DNAH12: variants seen among roughly 807,000 people sequenced by gnomAD.
The protein encoded by DNAH12 is dynein axonemal heavy chain 12, also known as axonemal beta dynein heavy chain 12.
In DNAH12, 285 loss-of-function variants were observed where a neutral mutation model predicts 371.5. That is an observed-to-expected ratio of 0.77 (90% CI 0.70 to 0.85). DNAH12 has a LOEUF of 0.85. DNAH12 is among the 40% of genes least tolerant of loss of function. The probability of loss-of-function intolerance (pLI) is 0.00; values close to 1 mark genes in which losing one functional copy is unlikely to be tolerated. For synonymous variants in DNAH12, 1,200 were observed against 1,213.0 expected, an observed-to-expected ratio of 0.99 and a Z score of 0.22; for missense variants, 3,611 against 3,689.4, an observed-to-expected ratio of 0.98 and a Z score of 0.55.
chr3:57,406,064 G>A (rs2064015666), intron 40 of DNAH12, 112 bp from the exon 41 acceptor site: 5 of 1,209,666 alleles, frequency 4.1e-6, no homozygotes, highest in Non-Finnish European at 4.5e-6. Context: ...GATTATATGG[G>A]CTTGGGCTGG....
At chr3:57,536,350 A>G (rs1158255345) in intron 2 of DNAH12, 1 of 152,168 alleles carries the variant, frequency 6.6e-6, no homozygotes, top group Non-Finnish European at 1.5e-5. Flanking sequence ...GTGCTGCCAA[A>G]GTGAGCACTC....
chr3:57,314,506 G>C lies in DNAH12; in HGVS notation c.10650C>G (p.Ile3550Met). 1.3e-6 allele frequency: 2 copies of C among 1,550,730 alleles called. No individual in the cohort carries two copies. The highest frequency in any genetic ancestry group is 1.7e-6 in the Non-Finnish European group (2 of 1,146,774). ...TTGTTAATTTTACCTGCAGTTGTCG[G>C]ATACTGATGCGCAAGTCAGATTCAT... ...GFNESDLRIS[I>M]RQLQLFINEY... is the part of the protein sequence containing the mutation. Residue 3550 changes from isoleucine (I) to methionine (M), a missense_variant, in exon 66 of 74, where the codon ATC becomes ATG. Coordinates refer to ENST00000495027, the MANE Select transcript of DNAH12 (RefSeq NM_001366028.2).
intron 49 of DNAH12, 91 bp from the exon 50 acceptor site, chr3:57,382,484 T>A (rs1027516711): frequency 3.3e-5 from 5 of 151,176 alleles, no homozygotes; most frequent in Non-Finnish European, 7.4e-5. Context: ...TGGGGAATAA[T>A]AAAAGCATCC....
rs1003021183 is a variant in DNAH12, at chr3:57,374,720, G to A, written c.8759+651C>T. Among the ~76,000 whole-genome samples, 124 of 152,014 alleles carry A rather than the reference G, an allele frequency of 8.2e-4. 1 individual carries two copies. Among genetic ancestry groups the A allele is most frequent in the Non-Finnish European group, 1.0e-3 (69 of 67,920 alleles). On this transcript the variant is annotated intron_variant, in intron 55 of 73. Coordinates refer to ENST00000495027, the MANE Select transcript of DNAH12 (RefSeq NM_001366028.2). ...AATGGAACTCAGCAACAAAAAATAG[G>A]AACAGAGTACCAATGCATGCAATAA...
At chr3:57,430,056 A>G (rs981605127) in intron 32 of DNAH12, among the ~76,000 whole-genome samples, 14 of 152,204 alleles carry the variant, frequency 9.2e-5, no homozygotes, top group African/African-American at 3.4e-4. Context: ...TCCAAAACCT[A>G]TAAAATCCTA....
At chr3:57,513,514 A>AAAAG (rs34417361) in intron 4 of DNAH12, among the ~76,000 whole-genome samples, 133,721 of 151,850 alleles carry the variant, frequency 0.88, 59,438 homozygotes, top group African/African-American at 0.96. Flanking sequence ...TTATAATAAA[A>AAAAG]AAAATACTAC....
At chr3:57,402,233 T>A (rs1232590033) in intron 43 of DNAH12, among the ~76,000 whole-genome samples, 4 of 152,158 alleles carry the variant, frequency 2.6e-5, no homozygotes, top group Non-Finnish European at 5.9e-5. Context: ...AAAATCCATT[T>A]CTCTATGCTA....
Position 57,428,387 on chromosome 3 carries a change from T to C in DNAH12, c.5253+246A>G, listed in dbSNP as rs150950945. The C allele has an allele frequency of 3.5e-5, 49 of 1,409,976 alleles. No homozygotes were observed. The East Asian group carries it at 1.5e-3, about 44-fold the overall frequency. 87.3% of individuals were successfully genotyped at this position (1,409,976 alleles called of 1,614,324 possible). On this transcript the variant is annotated intron_variant, in intron 34 of 73. Coordinates refer to ENST00000495027, the MANE Select transcript of DNAH12 (RefSeq NM_001366028.2). ...GGCACATATTTAAAATAATTTGAAATACGGAAAGTAATTAGAATTTTTAAA... is the reference window on the plus strand; with the variant it reads ...GGCACATATTTAAAATAATTTGAAACACGGAAAGTAATTAGAATTTTTAAA...
At chr3:57,453,868 C>G (rs2065828270) in intron 23 of DNAH12, among the ~76,000 whole-genome samples, 1 of 152,130 alleles carries the variant, frequency 6.6e-6, no homozygotes, top group African/African-American at 2.4e-5. Flanking sequence ...GCCACGGCAC[C>G]AGGCGCAAGG....
rs149372483 is a variant in DNAH12 at position 57,469,255 on chromosome 3, A to C, written c.2106-276T>G. 1.8e-3 allele frequency among the ~76,000 whole-genome samples: 269 copies of C among 152,338 alleles called. 1 individual carries two copies. Among genetic ancestry groups the C allele is most frequent in the African/African-American group, 6.2e-3 (259 of 41,572 alleles). On this transcript the variant is annotated intron_variant, in intron 16 of 73. Transcript: ENST00000495027. ...ATGCAGGTTCACATTAGAGAAATGC[A>C]AATCAAACCACAATGAGAGACCATC...
intron 4 of DNAH12, among the ~76,000 whole-genome samples, chr3:57,513,498 A>T (rs2068074042): frequency 1.7e-5 from 1 of 58,784 alleles, no homozygotes; most frequent in African/African-American, 9.9e-5. Context: ...AGTAAAATTT[A>T]AAAACTTATA....
chr3:57,433,917 T>C, intron 30 of DNAH12, 89 bp from the exon 31 acceptor site: 1 of 1,107,506 alleles, frequency 9.0e-7, no homozygotes, highest in African/African-American at 1.6e-5. Context: ...CCTGTGATAA[T>C]TACTACTTAT....
chr3:57,430,557 C>G (rs1255037586), intron 32 of DNAH12, among the ~76,000 whole-genome samples: 1 of 152,136 alleles, frequency 6.6e-6, no homozygotes, highest in Admixed American at 6.5e-5. Flanking sequence ...CTGAATTTAT[C>G]AACTGCTTCC....
intron 66 of DNAH12, among the ~76,000 whole-genome samples, chr3:57,313,851 G>A (rs1313388207): frequency 1.3e-5 from 2 of 152,136 alleles, no homozygotes; most frequent in Non-Finnish European, 2.9e-5. Flanking sequence ...ATGTGGTCAC[G>A]ACAGCAGAGG....
chr3:57,532,607 T>C (rs1482103259), intron 2 of DNAH12, among the ~76,000 whole-genome samples: 1 of 152,228 alleles, frequency 6.6e-6, no homozygotes, highest in Non-Finnish European at 1.5e-5. Flanking sequence ...CTTGTGGTCA[T>C]GGATAAGATC....
intron 13 of DNAH12, among the ~76,000 whole-genome samples, chr3:57,477,983 G>A (rs2066595984): frequency 6.6e-6 from 1 of 152,188 alleles, no homozygotes; most frequent in Admixed American, 6.5e-5. Flanking sequence ...AAAAAACAGA[G>A]CAGAAAAACT....
intron 69 of DNAH12, among the ~76,000 whole-genome samples, chr3:57,306,931 T>C (rs368664961): frequency 9.2e-5 from 14 of 152,138 alleles, no homozygotes; most frequent in Admixed American, 2.6e-4. Context: ...TTCTGGATCT[T>C]AAACATGCTT....
Position 57,424,264 on chromosome 3 carries a change from G to A in DNAH12, c.5373+758C>T, listed in dbSNP as rs1680709167. Among the ~76,000 whole-genome samples, 3 of 151,356 alleles carry A rather than the reference G, an allele frequency of 2.0e-5. No individual in the cohort carries two copies. In the South Asian group the frequency reaches 6.3e-4, roughly 32 times the overall value. On this transcript the variant is annotated intron_variant, in intron 35 of 73. Coordinates refer to ENST00000495027, the MANE Select transcript of DNAH12 (RefSeq NM_001366028.2). Reference sequence around the variant, plus strand: ...GTGGGCGAATCACCTGAGGTCAGGAGTTCAAGACCAGCCTGGCCAACATGG... The same window carrying A: ...GTGGGCGAATCACCTGAGGTCAGGAATTCAAGACCAGCCTGGCCAACATGG...
chr3:57,335,147 G>A (rs2062193985), intron 60 of DNAH12, among the ~76,000 whole-genome samples: 1 of 152,172 alleles, frequency 6.6e-6, no homozygotes, highest in Non-Finnish European at 1.5e-5. Context: ...TCTGAGAGAA[G>A]AGAGGTGAAT....
Sources: gnomAD v4.1 joint callset for allele counts (sites outside exome capture counted in the v4.1 genomes callset) on GRCh38, gnomAD v4.1.1 for gene constraint, MANE v1.5 for transcripts, NCBI Gene and HGNC (gene_info 2026-07-23, HGNC 2026-07-21) for gene names.